SNTG1: variants seen among roughly 807,000 people sequenced by gnomAD.
SNTG1 encodes syntrophin gamma 1, also known as gamma-1-syntrophin.
Under a neutral mutation model 74.7 loss-of-function variants are expected in SNTG1, and 39 were observed. The ratio of observed to expected loss-of-function variants is 0.52; its 90% CI spans 0.40 to 0.68. SNTG1 has a LOEUF of 0.68. Among genes scored for constraint, SNTG1 ranks in the 30% least tolerant of loss-of-function variants. SNTG1 has a pLI of 0.00. For synonymous variants in SNTG1, 254 were observed against 217.1 expected (o/e 1.17, Z -1.49); for missense variants, 685 against 609.5 (o/e 1.12, Z -1.30).
chr8:50,780,264 T>TACCAATAG (rs1458753564), intron 18 of SNTG1, among the ~76,000 whole-genome samples: 10 of 152,186 alleles, frequency 6.6e-5, no homozygotes, highest in Non-Finnish European at 1.5e-5. Flanking sequence ...GTTGGAATAG[T>TACCAATAG]TTCAGAAGGA....
intron 2 of SNTG1, among the ~76,000 whole-genome samples, chr8:50,304,903 A>T (rs1206907142): frequency 1.3e-5 from 2 of 150,696 alleles, no homozygotes; most frequent in Non-Finnish European, 3.0e-5. Context: ...TTTATTTTTT[A>T]TTTCTTTTGT....
intron 18 of SNTG1, among the ~76,000 whole-genome samples, chr8:50,761,046 C>T (rs865992143): frequency 6.6e-6 from 1 of 151,926 alleles, no homozygotes; most frequent in African/African-American, 2.4e-5. Context: ...ATCCTGATAC[C>T]AAAACCTGGC....
chr8:50,397,237 T>G (rs2092739231), intron 3 of SNTG1, among the ~76,000 whole-genome samples: 1 of 152,246 alleles, frequency 6.6e-6, no homozygotes, highest in African/African-American at 2.4e-5. Flanking sequence ...TGCAATGGTA[T>G]GCAAAGTCAA....
chr8:50,600,305 G>A (rs1045415248), intron 13 of SNTG1, among the ~76,000 whole-genome samples: 49 of 151,944 alleles, frequency 3.2e-4, no homozygotes, highest in African/African-American at 1.2e-3. Context: ...AGGGAAAACT[G>A]TCCTTATAGA....
At chr8:50,576,054 T>C (rs1351754) in intron 12 of SNTG1, among the ~76,000 whole-genome samples, 131,248 of 152,198 alleles carry the variant, frequency 0.86, 56,774 homozygotes, top group East Asian at 0.94. Context: ...TTCCACACTA[T>C]TCCATTCTCT....
intron 18 of SNTG1, among the ~76,000 whole-genome samples, chr8:50,754,220 C>A (rs1470948739): frequency 6.6e-6 from 1 of 151,866 alleles, no homozygotes; most frequent in Non-Finnish European, 1.5e-5. Context: ...GTGCAAATTG[C>A]ACCATAGAAT....
chr8:50,623,368 T>C (rs557425677), intron 13 of SNTG1, among the ~76,000 whole-genome samples: 6 of 152,260 alleles, frequency 3.9e-5, no homozygotes, highest in African/African-American at 1.2e-4. Flanking sequence ...TCCAGTTTTT[T>C]GATTGTCTTT....
intron 12 of SNTG1, among the ~76,000 whole-genome samples, chr8:50,569,256 A>G (rs2094533210): frequency 6.6e-6 from 1 of 152,190 alleles, no homozygotes; most frequent in African/African-American, 2.4e-5. Flanking sequence ...AAGAAAAAGC[A>G]CGGATAGCCA....
At chr8:50,010,199 A>G (rs1287930771) in intron 1 of SNTG1, among the ~76,000 whole-genome samples, 1 of 152,126 alleles carries the variant, frequency 6.6e-6, no homozygotes, top group Non-Finnish European at 1.5e-5. Flanking sequence ...TCCACTCAAT[A>G]TCAACATCTA....
intron 1 of SNTG1, among the ~76,000 whole-genome samples, chr8:50,010,969 A>T (rs1815737776): frequency 6.6e-6 from 1 of 151,978 alleles, no homozygotes; most frequent in Non-Finnish European, 1.5e-5. Context: ...ATTTCCCTAA[A>T]TTGAAAATAT....
chr8:50,213,161 C>T (rs578237324), intron 2 of SNTG1, among the ~76,000 whole-genome samples: 9 of 152,210 alleles, frequency 5.9e-5, no homozygotes, highest in East Asian at 1.9e-4. Flanking sequence ...TGTGCATAGG[C>T]GGTGTGCCAA....
Position 50,502,464 on chromosome 8 carries a change from T to C in SNTG1, c.364-314T>C, listed in dbSNP as rs192540169. On this transcript the variant is annotated intron_variant, in intron 8 of 18. Transcript: ENST00000642720. ...AATAAATACAGTGACCTGAACATTC[T>C]ATCTGCCTTTCTGTGGACTTCTTGA... Among the ~76,000 whole-genome samples, 376 of 152,324 alleles carry C rather than the reference T, an allele frequency of 2.5e-3. 2 individuals are homozygous for C. The highest frequency in any genetic ancestry group is 8.5e-3 in the African/African-American group (353 of 41,582).
intron 2 of SNTG1, among the ~76,000 whole-genome samples, chr8:50,198,280 G>A (rs935866651): frequency 6.6e-6 from 1 of 152,192 alleles, no homozygotes; most frequent in South Asian, 2.1e-4. Flanking sequence ...AGGTGGCAGT[G>A]GGGAGAAGGG....
At chr8:50,343,914 T>C (rs2091394148) in intron 2 of SNTG1, among the ~76,000 whole-genome samples, 1 of 152,170 alleles carries the variant, frequency 6.6e-6, no homozygotes, top group Non-Finnish European at 1.5e-5. Flanking sequence ...TGAATGTGCC[T>C]GCTTCCCAGG....
At chr8:50,339,313 A>C (rs2091247187) in intron 2 of SNTG1, among the ~76,000 whole-genome samples, 1 of 152,064 alleles carries the variant, frequency 6.6e-6, no homozygotes, top group South Asian at 2.1e-4. Context: ...TTCTTCAGAG[A>C]GAAGAAAAAT....
At chr8:49,933,919 A>T (rs1807816218) in intron 1 of SNTG1, among the ~76,000 whole-genome samples, 1 of 152,176 alleles carries the variant, frequency 6.6e-6, no homozygotes, top group South Asian at 2.1e-4. Context: ...TTAGGTTAGG[A>T]ATAACGTGGG....
At chr8:50,391,521 T>G (rs1232731909) in intron 2 of SNTG1, among the ~76,000 whole-genome samples, 1 of 152,164 alleles carries the variant, frequency 6.6e-6, no homozygotes. Context: ...GGAGTATTGG[T>G]CTAAAATTCT....
chr8:50,693,587 AT>A (rs1456843010), intron 15 of SNTG1, among the ~76,000 whole-genome samples: 2 of 152,182 alleles, frequency 1.3e-5, no homozygotes, highest in African/African-American at 4.8e-5. Context: ...GAAATACTGG[AT>A]TTGAACAATG....
chr8:50,209,385 C>T (rs2084401373), intron 2 of SNTG1, among the ~76,000 whole-genome samples: 2 of 152,192 alleles, frequency 1.3e-5, no homozygotes, highest in South Asian at 4.1e-4. Flanking sequence ...GTTCTCCGAG[C>T]ATGGAGTTTG....
Sources: allele counts gnomAD v4.1 joint callset (sites outside exome capture counted in the v4.1 genomes callset), GRCh38; gene constraint gnomAD v4.1.1; transcripts MANE v1.5; gene names NCBI Gene and HGNC (gene_info 2026-07-23, HGNC 2026-07-21).